NRXN3: variants seen among roughly 807,000 people sequenced by gnomAD.
NRXN3 encodes the protein neurexin III.
A neutral mutation model predicts 137.6 loss-of-function variants in NRXN3; 32 were observed. That is an observed-to-expected ratio of 0.23 (90% CI 0.18 to 0.31). The LOEUF is 0.31. NRXN3 is among the 10% of genes least tolerant of loss of function. The pLI, the probability that NRXN3 is intolerant of heterozygous loss-of-function variation, is 1.00. For missense variants in NRXN3, 1,574 were observed against 2,062.5 expected (o/e 0.76, Z 4.59); for synonymous variants, 798 against 784.5 (o/e 1.02, Z -0.29).
At chr14:79,807,381 A>C (rs116467985) in intron 20 of NRXN3, among the ~76,000 whole-genome samples, 1 of 152,166 alleles carries the variant, frequency 6.6e-6, no homozygotes, top group Non-Finnish European at 1.5e-5. Context: ...CCTGCCTCAG[A>C]AAGTCATCTC....
intron 16 of NRXN3, among the ~76,000 whole-genome samples, chr14:79,514,977 A>C (rs774621133): frequency 4.0e-5 from 6 of 150,634 alleles, no homozygotes; most frequent in Middle Eastern, 6.8e-3. Flanking sequence ...CAGCTGACTC[A>C]CTGCACACTC....
In NRXN3 at chr14:78,314,878, GTTCT is replaced by G. The variant is rs1409658615; in HGVS notation, c.757+17031_757+17034del. ...TGTATTTTGTGTATTTTTCTTTTCCGTTCTTTCTTTCTTTCTCTTTCTTTCTTTC... is the reference window on the plus strand; with the variant it reads ...TGTATTTTGTGTATTTTTCTTTTCCGTTCTTTCTTTCTCTTTCTTTCTTTC... On this transcript the variant is annotated intron_variant, in intron 4 of 20. Coordinates refer to ENST00000335750, the MANE Select transcript of NRXN3 (RefSeq NM_001330195.2). Among the ~76,000 whole-genome samples, 187 of 75,160 alleles carry G rather than the reference GTTCT, an allele frequency of 2.5e-3. 2 individuals carry two copies. The highest frequency in any genetic ancestry group is 9.6e-3 in the African/African-American group (169 of 17,556). The allele number at this position is 75,160 out of a possible 152,430, so 49.3% of individuals were successfully genotyped here.
chr14:78,766,946 C>T (rs2098711084), intron 8 of NRXN3, among the ~76,000 whole-genome samples: 1 of 152,230 alleles, frequency 6.6e-6, no homozygotes, highest in African/African-American at 2.4e-5. Context: ...TCAGATTGCA[C>T]TTGCTCTCCA....
chr14:79,365,012 A>G (rs2093827249), intron 15 of NRXN3, among the ~76,000 whole-genome samples: 1 of 152,198 alleles, frequency 6.6e-6, no homozygotes, highest in African/African-American at 2.4e-5. Context: ...TAAAGTCTCA[A>G]ACAGGCTTTA....
intron 16 of NRXN3, among the ~76,000 whole-genome samples, chr14:79,541,194 T>C (rs765717054): frequency 1.4e-4 from 21 of 152,170 alleles, no homozygotes; most frequent in Non-Finnish European, 2.5e-4. Flanking sequence ...GCAGACCACC[T>C]GAGTTTGAGA....
At chr14:78,553,469 C>T (rs1360835421) in intron 4 of NRXN3, among the ~76,000 whole-genome samples, 3 of 152,176 alleles carry the variant, frequency 2.0e-5, no homozygotes, top group African/African-American at 7.2e-5. Flanking sequence ...CACACCTTAG[C>T]TTCCAAAGCT....
intron 19 of NRXN3, among the ~76,000 whole-genome samples, chr14:79,728,846 T>C (rs1225462228): frequency 6.6e-6 from 1 of 152,200 alleles, no homozygotes; most frequent in African/African-American, 2.4e-5. Flanking sequence ...CAAAAGTAGA[T>C]GATATCATCG....
intron 17 of NRXN3, among the ~76,000 whole-genome samples, chr14:79,681,454 A>G (rs1171160721): frequency 6.6e-6 from 1 of 151,780 alleles, no homozygotes; most frequent in Non-Finnish European, 1.5e-5. Flanking sequence ...GGCCTCATGT[A>G]CCCCTCTGGG....
chr14:78,523,439 C>T (rs2096315010), intron 4 of NRXN3, among the ~76,000 whole-genome samples: 1 of 152,096 alleles, frequency 6.6e-6, no homozygotes, highest in South Asian at 2.1e-4. Context: ...TTCTCTGCCT[C>T]ATAAATCAAA....
chr14:78,182,675 TAGTC>T (rs1463277848), intron 1 of NRXN3, among the ~76,000 whole-genome samples: 5 of 152,092 alleles, frequency 3.3e-5, no homozygotes, highest in African/African-American at 1.2e-4. Context: ...TGCTCCATGT[TAGTC>T]AGGCTGGTCT....
At chr14:79,340,471 T>C in intron 15 of NRXN3, among the ~76,000 whole-genome samples, 1 of 152,158 alleles carries the variant, frequency 6.6e-6, no homozygotes, top group East Asian at 1.9e-4. Context: ...CGTATGTATG[T>C]ATGTATGTTT....
At position 78,811,209 on chromosome 14, in the gene NRXN3, A is replaced by C. The variant is rs111442803; in HGVS notation, c.2275+865A>C. On this transcript the variant is annotated intron_variant, in intron 10 of 20. Transcript: ENST00000335750. Reference sequence around the variant, plus strand: ...AGCAATCCCAACATTATAATGGCTCAACAAAAGAAGGTTTTATTTCTTGTT... The same window carrying C: ...AGCAATCCCAACATTATAATGGCTCCACAAAAGAAGGTTTTATTTCTTGTT... 1.5e-3 allele frequency among the ~76,000 whole-genome samples: 228 copies of C among 152,344 alleles called. 1 individual carries two copies. Among genetic ancestry groups the C allele is most frequent in the Non-Finnish European group, 2.8e-3 (189 of 68,032 alleles).
At chr14:78,941,151 A>C (rs1431364479) in intron 10 of NRXN3, among the ~76,000 whole-genome samples, 1 of 152,188 alleles carries the variant, frequency 6.6e-6, no homozygotes, top group Non-Finnish European at 1.5e-5. Flanking sequence ...AAATAGGCAC[A>C]ATCACTGGCC....
intron 15 of NRXN3, among the ~76,000 whole-genome samples, chr14:79,111,904 G>A (rs1412458470): frequency 6.6e-6 from 1 of 152,062 alleles, no homozygotes; most frequent in Non-Finnish European, 1.5e-5. Flanking sequence ...ATACTAATAA[G>A]TTAATCTATT....
At chr14:78,533,233 C>T (rs552188552) in intron 4 of NRXN3, among the ~76,000 whole-genome samples, 2 of 151,728 alleles carry the variant, frequency 1.3e-5, no homozygotes, top group Admixed American at 1.3e-4. Context: ...GCTGGGACTA[C>T]AGCCACCACG....
At chr14:78,705,633 T>C (rs915023498) in intron 6 of NRXN3, among the ~76,000 whole-genome samples, 2 of 152,196 alleles carry the variant, frequency 1.3e-5, no homozygotes. Context: ...TCCTACTATG[T>C]CTAACATCCC....
chr14:78,745,458 A>G lies in NRXN3; in HGVS notation c.2044+30319A>G, dbSNP rs2098602822. ...ATACATTAATGCCTTCCATATTACC[A>G]CAGAGAGTTTGTTAGACTGGAAATC... is the stretch of plus-strand genomic sequence containing the variant. On this transcript the variant is annotated intron_variant, in intron 8 of 20. Transcript: ENST00000335750. 1.3e-5 allele frequency: 2 copies of G among 152,096 alleles called. 1 individual carries two copies. Among genetic ancestry groups the G allele is most frequent in the South Asian group, 4.1e-4 (2 of 4,830 alleles). The allele number at this position is 152,096 out of a possible 1,614,324, so 9.4% of individuals were successfully genotyped here. A position where few individuals can be genotyped will look rare whatever the true frequency, so the allele number is the denominator to read the frequency against.
intron 15 of NRXN3, among the ~76,000 whole-genome samples, chr14:79,012,758 CT>C (rs957274170): frequency 2.6e-5 from 4 of 152,098 alleles, no homozygotes; most frequent in Non-Finnish European, 4.4e-5. Context: ...CTTGACTTTC[CT>C]TCTGGAGCTT....
chr14:78,191,842 G>T (rs546268634), intron 1 of NRXN3, among the ~76,000 whole-genome samples: 1 of 152,154 alleles, frequency 6.6e-6, no homozygotes, highest in Non-Finnish European at 1.5e-5. Flanking sequence ...AAACTGGGAT[G>T]AGCAGGGGAT....
Sources: allele counts gnomAD v4.1 joint callset (sites outside exome capture counted in the v4.1 genomes callset), GRCh38; gene constraint gnomAD v4.1.1; transcripts MANE v1.5; gene names NCBI Gene and HGNC (gene_info 2026-07-23, HGNC 2026-07-21).